The following ELAVL4 variants were observed in gnomAD, a reference collection of about 807,000 sequenced individuals.
The protein encoded by ELAVL4 is ELAV-like protein 4.
In ELAVL4, 1 loss-of-function variant was observed where a neutral mutation model predicts 35.6. That is an observed-to-expected ratio of 0.03 (90% CI 0.01 to 0.13). ELAVL4 has a LOEUF of 0.13. ELAVL4 is among the 10% of genes least tolerant of loss of function. The probability of loss-of-function intolerance (pLI) is 1.00; values close to 1 mark genes in which losing one functional copy is unlikely to be tolerated. For missense variants in ELAVL4, 267 were observed against 464.9 expected, an observed-to-expected ratio of 0.57 and a Z score of 3.91; for synonymous variants, 156 against 171.0, an observed-to-expected ratio of 0.91 and a Z score of 0.69.
chr1:50,094,782 T>TAAATA (rs1665648791), intron 1 of ELAVL4, among the ~76,000 whole-genome samples: 1 of 63,886 alleles, frequency 1.6e-5, no homozygotes, highest in African/African-American at 5.7e-5. Context: ...ATAAATAAAT[T>TAAATA]AGCTGGGCTT....
intron 3 of ELAVL4, among the ~76,000 whole-genome samples, chr1:50,185,576 C>T (rs983597736): frequency 6.6e-6 from 1 of 152,308 alleles, no homozygotes; most frequent in Admixed American, 6.5e-5. Flanking sequence ...CTTGATCTCA[C>T]TGAGCCAGAG....
At chr1:50,133,655 A>G (rs376774195) in intron 1 of ELAVL4, among the ~76,000 whole-genome samples, 226 of 127,080 alleles carry the variant, frequency 1.8e-3, no homozygotes, top group East Asian at 7.6e-3. Flanking sequence ...AAGAAAGAGA[A>G]AGAAAGAAAG....
chr1:50,195,501 C>G (rs1643995156), intron 4 of ELAVL4, 60 bp from the exon 5 acceptor site: 2 of 1,580,124 alleles, frequency 1.3e-6, no homozygotes, highest in African/African-American at 2.7e-5. Context: ...CATCTCTTCC[C>G]AAAGATGTTT....
chr1:50,198,130 T>C (rs904707828), intron 6 of ELAVL4, among the ~76,000 whole-genome samples: 3 of 152,214 alleles, frequency 2.0e-5, no homozygotes, highest in African/African-American at 7.2e-5. Flanking sequence ...GTTATGTGTG[T>C]TTTAAACTTG....
chr1:50,088,763 A>C (rs1665360497), intron 1 of ELAVL4, among the ~76,000 whole-genome samples: 1 of 152,124 alleles, frequency 6.6e-6, no homozygotes, highest in Non-Finnish European at 1.5e-5. Context: ...CACTCGGTGC[A>C]CTAGAAGCCA....
intron 1 of ELAVL4, among the ~76,000 whole-genome samples, chr1:50,051,047 G>A (rs554872642): frequency 6.6e-6 from 1 of 152,086 alleles, no homozygotes; most frequent in South Asian, 2.1e-4. Context: ...AAGTTTTTGA[G>A]GTAGAAACAA....
chr1:50,129,867 T>C (rs151197306), intron 1 of ELAVL4, among the ~76,000 whole-genome samples: 254 of 152,310 alleles, frequency 1.7e-3, no homozygotes, highest in African/African-American at 5.8e-3. Flanking sequence ...AAAATGAACA[T>C]GTACTGAGTG....
Position 50,201,243 on chromosome 1 carries a change from A to G in ELAVL4, c.*65A>G. The G allele has an allele frequency of 2.8e-6, 4 of 1,440,122 alleles. 1 individual carries two copies. The South Asian group carries it at 4.6e-5, about 17-fold the overall frequency. 89.2% of individuals were successfully genotyped at this position (1,440,122 alleles called of 1,614,324 possible). A position where few individuals can be genotyped will look rare whatever the true frequency, so the allele number is the denominator to read the frequency against. ...ATACGAACAAAACACACGCGCGCAC[A>G]CACACACATACACGAAAGAGAGAGA... On this transcript the variant is annotated 3_prime_UTR_variant, in exon 7 of 7. Transcript: ENST00000371824. This position sits in a 1 kb window ranked among gnomAD's most constrained non-coding sequence, Gnocchi z 4.3.
chr1:50,159,949 T>C (rs1676491416), intron 2 of ELAVL4, among the ~76,000 whole-genome samples: 1 of 152,100 alleles, frequency 6.6e-6, no homozygotes, highest in African/African-American at 2.4e-5. Context: ...GAACAGAAAA[T>C]GATGCCATAT....
chr1:50,076,014 A>C (rs2148491511), intron 1 of ELAVL4, among the ~76,000 whole-genome samples: 1 of 152,220 alleles, frequency 6.6e-6, no homozygotes, highest in African/African-American at 2.4e-5. Context: ...ATTTTAGTAG[A>C]GATGGGGTTT....
rs574482625 is a variant in ELAVL4, at chr1:50,175,032, T to G, written c.251-2057T>G. Among the ~76,000 whole-genome samples the G allele has an allele frequency of 4.6e-5, 7 of 152,304 alleles. No individual in the cohort carries two copies. In the South Asian group the frequency reaches 1.5e-3, roughly 32 times the overall value. ...TGGATAGATTGACCATCTGACCAGT[T>G]TCCTAGAACTTATGCATAAGGTTTA... On this transcript the variant is annotated intron_variant, in intron 2 of 6. Coordinates refer to ENST00000371824, the MANE Select transcript of ELAVL4 (RefSeq NM_001144774.3).
chr1:50,197,847 G>A (rs969458607), intron 6 of ELAVL4, among the ~76,000 whole-genome samples: 1 of 152,244 alleles, frequency 6.6e-6, no homozygotes, highest in Non-Finnish European at 1.5e-5. Flanking sequence ...CCAAGATTCA[G>A]TTAAGAGGGC....
At chr1:50,161,821 C>T (rs1676859796) in intron 2 of ELAVL4, among the ~76,000 whole-genome samples, 1 of 152,190 alleles carries the variant, frequency 6.6e-6, no homozygotes, top group Non-Finnish European at 1.5e-5. Context: ...TCCTCCCAGG[C>T]CCAAGCAGTC....
intron 1 of ELAVL4, among the ~76,000 whole-genome samples, chr1:50,142,249 G>C (rs1478083781): frequency 6.6e-6 from 1 of 152,156 alleles, no homozygotes; most frequent in Non-Finnish European, 1.5e-5. Flanking sequence ...GCCCAGGCTA[G>C]AGTGCAGTGG....
chr1:50,081,139 A>G (rs1664988750), intron 1 of ELAVL4, among the ~76,000 whole-genome samples: 1 of 152,182 alleles, frequency 6.6e-6, no homozygotes, highest in Non-Finnish European at 1.5e-5. Context: ...TGGCAAGTCC[A>G]TAAAATCATC....
intron 2 of ELAVL4, among the ~76,000 whole-genome samples, chr1:50,176,060 A>G (rs551376219): frequency 6.6e-6 from 1 of 152,312 alleles, no homozygotes; most frequent in Non-Finnish European, 1.5e-5. Context: ...AAAGTTTCCT[A>G]ATGATATTTC....
chr1:50,078,397 AT>A (rs921825573), intron 1 of ELAVL4, among the ~76,000 whole-genome samples: 18 of 149,152 alleles, frequency 1.2e-4, no homozygotes, highest in Middle Eastern at 3.4e-3. Context: ...CCTAAAACTC[AT>A]TTTTTTTTTA....
intron 1 of ELAVL4, among the ~76,000 whole-genome samples, chr1:50,077,545 T>C (rs1664818393): frequency 6.6e-6 from 1 of 152,218 alleles, no homozygotes; most frequent in Non-Finnish European, 1.5e-5. Context: ...TTATTCAGTC[T>C]ACTGAGCCAA....
intron 1 of ELAVL4, among the ~76,000 whole-genome samples, chr1:50,115,528 G>T (rs1667795826): frequency 6.6e-6 from 1 of 151,676 alleles, no homozygotes; most frequent in Non-Finnish European, 1.5e-5. Flanking sequence ...CTTAATTTTT[G>T]AATTACTCAT....
Sources: gnomAD v4.1 joint callset for allele counts (sites outside exome capture counted in the v4.1 genomes callset) on GRCh38, gnomAD v4.1.1 for gene constraint, Gnocchi (gnomAD v3.1) non-coding constraint, MANE v1.5 for transcripts, NCBI Gene and HGNC (gene_info 2026-07-23, HGNC 2026-07-21) for gene names.